Variants in PPP1R21 observed in about 807,000 individuals in gnomAD.
PPP1R21 encodes KLRAQ motif containing 1.
A neutral mutation model predicts 112.8 loss-of-function variants in PPP1R21; 85 were observed. The ratio of observed to expected loss-of-function variants is 0.75; its 90% CI spans 0.63 to 0.90. PPP1R21 has a LOEUF of 0.90. Among genes scored for constraint, PPP1R21 ranks in the 40% least tolerant of loss-of-function variants. The pLI, the probability that PPP1R21 is intolerant of heterozygous loss-of-function variation, is 0.00. For synonymous variants in PPP1R21, 381 were observed against 322.3 expected (o/e 1.18, Z -1.95); for missense variants, 1,199 against 901.5 (o/e 1.33, Z -4.23).
chr2:48,475,929 A>G (rs148419972), intron 12 of PPP1R21, among the ~76,000 whole-genome samples: 3 of 152,212 alleles, frequency 2.0e-5, no homozygotes, highest in East Asian at 3.9e-4. Flanking sequence ...TTCTGGTACT[A>G]TGGTTTTTTT....
chr2:48,478,563 C>G (rs966485580), intron 12 of PPP1R21, among the ~76,000 whole-genome samples: 2 of 152,100 alleles, frequency 1.3e-5, no homozygotes, highest in Non-Finnish European at 2.9e-5. Flanking sequence ...TTCAAAATGT[C>G]GTGGGGCATC....
At chr2:48,480,173 C>G (rs1025088852) in intron 13 of PPP1R21, among the ~76,000 whole-genome samples, 157 bp downstream of exon 13, 1 of 152,226 alleles carries the variant, frequency 6.6e-6, no homozygotes, top group Non-Finnish European at 1.5e-5. Context: ...CTGCCTTCTG[C>G]TTTTCCCATC....
chr2:48,507,205 T>TG, intron 18 of PPP1R21, 64 bp from the exon 19 acceptor site: 1 of 1,383,574 alleles, frequency 7.2e-7, no homozygotes, highest in Non-Finnish European at 9.3e-7. Context: ...TTTTTTTTTT[T>TG]TTTTCTAGAA....
chr2:48,462,951 G>A (rs867205170), intron 7 of PPP1R21, among the ~76,000 whole-genome samples: 6 of 152,292 alleles, frequency 3.9e-5, no homozygotes, highest in Middle Eastern at 3.4e-3. Flanking sequence ...AGGAGACAAG[G>A]GAGAAAGAGG....
At chr2:48,466,175 G>A (rs1668194154) in intron 9 of PPP1R21, among the ~76,000 whole-genome samples, 1 of 152,008 alleles carries the variant, frequency 6.6e-6, no homozygotes, top group Admixed American at 6.6e-5. Context: ...GATGAGATTT[G>A]CATGGGGACA....
intron 18 of PPP1R21, among the ~76,000 whole-genome samples, 155 bp downstream of exon 18, chr2:48,505,751 A>G (rs1382193453): frequency 6.6e-6 from 1 of 152,164 alleles, no homozygotes; most frequent in Non-Finnish European, 1.5e-5. Flanking sequence ...ACCTTCGTGT[A>G]TGGATCCATG....
chr2:48,466,390 T>C (rs1253694352), intron 9 of PPP1R21, among the ~76,000 whole-genome samples: 1 of 151,946 alleles, frequency 6.6e-6, no homozygotes, highest in East Asian at 1.9e-4. Context: ...TTTTTTTTCT[T>C]TTTTTTCCCT....
intron 17 of PPP1R21, chr2:48,501,971 C>T (rs748060574): frequency 1.4e-4 from 22 of 152,180 alleles, no homozygotes; most frequent in Non-Finnish European, 2.9e-4. Context: ...GAGCAGGGAC[C>T]ATGCTAATTT....
chr2:48,497,619 A>G (rs568468450), intron 16 of PPP1R21, among the ~76,000 whole-genome samples: 1 of 152,032 alleles, frequency 6.6e-6, no homozygotes, highest in African/African-American at 2.4e-5. Flanking sequence ...TGGCAAAACT[A>G]CAAAATTACT....
At position 48,494,239 on chromosome 2, in the gene PPP1R21, C is replaced by CA. The variant is rs70943345; in HGVS notation, c.1600-1401dup. ...AGGGCGACAAAGTGAGACCTTGTCT[C>CA]AAAAAAAAAAAAAAAAAAAAAAAAA... On this transcript the variant is annotated intron_variant, in intron 15 of 21. Transcript: ENST00000294952. Among the ~76,000 whole-genome samples, 3 of 42,270 alleles carry CA rather than the reference C, an allele frequency of 7.1e-5. 1 individual carries two copies. Among genetic ancestry groups the CA allele is most frequent in the East Asian group, 4.1e-3 (2 of 482 alleles). 27.7% of individuals were successfully genotyped at this position (42,270 alleles called of 152,430 possible).
chr2:48,451,922 G>A (rs1375864780), intron 2 of PPP1R21, among the ~76,000 whole-genome samples: 1 of 152,130 alleles, frequency 6.6e-6, no homozygotes, highest in Non-Finnish European at 1.5e-5. Flanking sequence ...GTAGTCAGTT[G>A]TTGGATCCTA....
chr2:48,479,613 A>G (rs1668914476), intron 12 of PPP1R21: 1 of 551,064 alleles, frequency 1.8e-6, no homozygotes, highest in South Asian at 1.5e-5. Flanking sequence ...AAAATGCATT[A>G]TATAATAACA....
At position 48,465,656 on chromosome 2, in the gene PPP1R21, A is replaced by G; in HGVS notation, c.897+14A>G. The G allele has an allele frequency of 1.2e-6, 2 of 1,608,348 alleles. No homozygotes were observed. Among genetic ancestry groups the G allele is most frequent in the Non-Finnish European group, 8.5e-7 (1 of 1,177,976 alleles). ...TTGAATCAGAAGGTAAATTTAATTC[A>G]GGATACATTTTGTTTGCCCTGAACA... On this transcript the variant is annotated intron_variant, in intron 9 of 21. Coordinates refer to ENST00000294952, the MANE Select transcript of PPP1R21 (RefSeq NM_001135629.3).
intron 1 of PPP1R21, among the ~76,000 whole-genome samples, chr2:48,450,106 G>GA (rs1453218649): frequency 5.3e-5 from 8 of 152,124 alleles, no homozygotes; most frequent in Admixed American, 4.6e-4. Context: ...AATTATCTGT[G>GA]AAAAAAAGCC....
rs1045280049 is a variant in PPP1R21 at position 48,461,176 on chromosome 2, G to A, written c.638G>A (p.Gly213Asp). ...AAGACTCTTCATGAAGATTTGTCAG[G>A]TAGATTAGAGGAATCCTTATCAATC... ...QLKTLHEDLS[G>D]RLEESLSIIN... Residue 213 changes from glycine to aspartate, a missense_variant, in exon 7 of 22, where the codon GGT (glycine) becomes GAT (aspartate). Coordinates refer to ENST00000294952, the MANE Select transcript of PPP1R21 (RefSeq NM_001135629.3). 3 of 1,583,066 alleles carry A rather than the reference G, an allele frequency of 1.9e-6. No individual in the cohort carries two copies. The highest frequency in any genetic ancestry group is 1.4e-5 in the African/African-American group (1 of 72,312).
At chr2:48,494,951 T>C (rs113987258) in intron 15 of PPP1R21, among the ~76,000 whole-genome samples, 19 of 152,210 alleles carry the variant, frequency 1.2e-4, no homozygotes, top group African/African-American at 4.3e-4. Flanking sequence ...AAGCAATCCA[T>C]CACCTCGGTG....
chr2:48,472,854 G>A (rs1181837458), intron 11 of PPP1R21, among the ~76,000 whole-genome samples: 10 of 151,516 alleles, frequency 6.6e-5, no homozygotes. Flanking sequence ...AGGAGGCTGA[G>A]ATGGAAGAAT....
chr2:48,511,388 A>C lies in PPP1R21; in HGVS notation c.2233A>C (p.Met745Leu). ...KRSYEDQLSM[M>L]SDHLCSMNET... is the part of the protein sequence containing the mutation. ...GAGTTACGAGGATCAGTTAAGTATG[A>C]TGAGTGACCACCTGTGCAGCATGAA... is the stretch of plus-strand genomic sequence containing the variant. The change falls in exon 21 of 22, where the codon ATG becomes CTG. Residue 745 changes from methionine to leucine, a missense_variant. Transcript: ENST00000294952. 6.2e-7 allele frequency: 1 copy of C among 1,614,124 alleles called. No homozygotes were observed. Among genetic ancestry groups the C allele is most frequent in the Non-Finnish European group, 8.5e-7 (1 of 1,179,990 alleles).
rs900893050 is a variant in PPP1R21, at chr2:48,505,679, T to G, written c.1968+83T>G. ...GACAAAGTCCTGCAAAAGCCATCTT[T>G]GTCTAATTGTTGTTGTTGTTTTTTC... On this transcript the variant is annotated intron_variant, in intron 18 of 21. Transcript: ENST00000294952. 5 of 1,178,070 alleles carry G rather than the reference T, an allele frequency of 4.2e-6. No individual in the cohort carries two copies. In the African/African-American group the frequency reaches 7.6e-5, roughly 18 times the overall value. 73.0% of individuals were successfully genotyped at this position (1,178,070 alleles called of 1,614,324 possible).
Sources: gnomAD v4.1 joint callset for allele counts (sites outside exome capture counted in the v4.1 genomes callset) on GRCh38, gnomAD v4.1.1 for gene constraint, MANE v1.5 for transcripts, NCBI Gene and HGNC (gene_info 2026-07-23, HGNC 2026-07-21) for gene names.